The following FMN1 variants were observed in gnomAD, a reference collection of about 807,000 sequenced individuals.
FMN1 encodes the protein formin-1.
Under a neutral mutation model 132.4 loss-of-function variants are expected in FMN1, and 110 were observed. That is an observed-to-expected ratio of 0.83 (90% CI 0.71 to 0.97). FMN1 has a LOEUF of 0.97. Among genes scored for constraint, FMN1 ranks in the 50% least tolerant of loss-of-function variants. The pLI, the probability that FMN1 is intolerant of heterozygous loss-of-function variation, is 0.00. For missense variants in FMN1, 1,792 were observed against 1,705.3 expected, an observed-to-expected ratio of 1.05 and a Z score of -0.90; for synonymous variants, 722 against 651.7, an observed-to-expected ratio of 1.11 and a Z score of -1.64.
intron 9 of FMN1, among the ~76,000 whole-genome samples, chr15:32,961,609 T>C (rs572962272): frequency 1.6e-4 from 24 of 151,994 alleles, no homozygotes; most frequent in Non-Finnish European, 3.1e-4. Flanking sequence ...AACAGGGAAA[T>C]GGTAGCCGTA....
intron 19 of FMN1, among the ~76,000 whole-genome samples, chr15:32,790,544 T>C (rs1046636964): frequency 1.6e-4 from 25 of 152,322 alleles, no homozygotes; most frequent in Admixed American, 7.8e-4. Flanking sequence ...TCTGATTCAG[T>C]GGATCTGTTT....
intron 2 of FMN1, among the ~76,000 whole-genome samples, chr15:33,189,752 C>A (rs1966010070): frequency 1.3e-5 from 2 of 152,134 alleles, no homozygotes; most frequent in African/African-American, 4.8e-5. Context: ...CACAGAGGAA[C>A]CAGCAGATTA....
chr15:32,852,538 A>G (rs1423647211), intron 17 of FMN1, among the ~76,000 whole-genome samples: 1 of 151,878 alleles, frequency 6.6e-6, no homozygotes, highest in Non-Finnish European at 1.5e-5. Context: ...ACCACTTTCA[A>G]CTAATTTTTG....
intron 17 of FMN1, among the ~76,000 whole-genome samples, chr15:32,839,754 T>A (rs1191460942): frequency 6.6e-6 from 1 of 151,300 alleles, no homozygotes. Flanking sequence ...AAAATAAGAT[T>A]AGGCTTGAAA....
chr15:32,805,650 C>T (rs1234301880), intron 17 of FMN1, among the ~76,000 whole-genome samples: 1 of 152,178 alleles, frequency 6.6e-6, no homozygotes, highest in Non-Finnish European at 1.5e-5. Context: ...TTAATAATTA[C>T]ACCTAGGCAA....
intron 7 of FMN1, among the ~76,000 whole-genome samples, chr15:32,991,181 T>C (rs920496974): frequency 6.6e-6 from 1 of 152,168 alleles, no homozygotes; most frequent in African/African-American, 2.4e-5. Context: ...CCCTCATTCT[T>C]TATTTTCTCT....
intron 16 of FMN1, among the ~76,000 whole-genome samples, chr15:32,882,786 T>C (rs942168807): frequency 2.0e-5 from 3 of 150,786 alleles, no homozygotes; most frequent in Non-Finnish European, 4.4e-5. Flanking sequence ...TTTTATTTAA[T>C]AAATTTGACA....
At chr15:32,856,972 T>A (rs745858880) in intron 17 of FMN1, 43 bp downstream of exon 17, 19 of 1,372,000 alleles carry the variant, frequency 1.4e-5, no homozygotes, top group Non-Finnish European at 2.0e-5. Flanking sequence ...GAATGAAGGA[T>A]GTTTCAGGGC....
chr15:33,070,136 G>A (rs1168595767), intron 5 of FMN1, among the ~76,000 whole-genome samples: 1 of 150,904 alleles, frequency 6.6e-6, no homozygotes, highest in African/African-American at 2.4e-5. Context: ...CTCCTGAGTA[G>A]CTGGAATTAC....
rs185029591 is a variant in FMN1, at chr15:33,114,709, C to T, written c.1868-25735G>A. On this transcript the variant is annotated intron_variant, in intron 4 of 20. Transcript: ENST00000616417. ...CACAACTGCTGTAATGTCTCCTAAACTATAAACTCCATATTTCTCATCACC... is the reference window on the plus strand; with the variant it reads ...CACAACTGCTGTAATGTCTCCTAAATTATAAACTCCATATTTCTCATCACC... 3.6e-3 allele frequency among the ~76,000 whole-genome samples: 554 copies of T among 152,252 alleles called. 2 individuals are homozygous for T. The highest frequency in any genetic ancestry group is 6.4e-3 in the Admixed American group (98 of 15,286).
chr15:33,126,969 CTG>C (rs1210250002), intron 4 of FMN1, among the ~76,000 whole-genome samples: 1 of 152,188 alleles, frequency 6.6e-6, no homozygotes, highest in South Asian at 2.1e-4. Context: ...TTGGCTGACT[CTG>C]TGGAGAGGCT....
In FMN1 at chr15:32,964,194, T is replaced by C. The variant is rs759162836; in HGVS notation, c.3051A>G (p.Glu1017=). 3 of 1,612,934 alleles carry C rather than the reference T, an allele frequency of 1.9e-6. No homozygotes were observed. The highest frequency in any genetic ancestry group is 2.5e-6 in the Non-Finnish European group (3 of 1,179,104). Residue 1017 remains glutamate (E), a synonymous_variant, in exon 9 of 21, where the codon GAA becomes GAG. Coordinates refer to ENST00000616417, the MANE Select transcript of FMN1 (RefSeq NM_001277313.2). Reference sequence around the variant, plus strand: ...TGTCTTTGGAGAATAAATACTCAAATTCACTGGGGTCCCGAATGTCAGGTT... The same window carrying C: ...TGTCTTTGGAGAATAAATACTCAAACTCACTGGGGTCCCGAATGTCAGGTT... The part of the protein sequence containing the change: ...LEEPDIRDPS[E]FEYLFSKDTT...
chr15:33,007,849 T>C (rs1432674523), intron 7 of FMN1, among the ~76,000 whole-genome samples, 165 bp downstream of exon 7: 2 of 152,180 alleles, frequency 1.3e-5, no homozygotes, highest in Non-Finnish European at 2.9e-5. Flanking sequence ...AAAAACAGAA[T>C]CCAAGACTTT....
chr15:32,766,337 T>A lies in FMN1; in HGVS notation c.*7973A>T, dbSNP rs1192788422. 2 of 152,186 alleles carry A rather than the reference T, an allele frequency of 1.3e-5. No individual in the cohort carries two copies. Among genetic ancestry groups the A allele is most frequent in the Non-Finnish European group, 2.9e-5 (2 of 68,036 alleles). 9.4% of individuals were successfully genotyped at this position (152,186 alleles called of 1,614,324 possible). On this transcript the variant is annotated 3_prime_UTR_variant, in exon 21 of 21. Coordinates refer to ENST00000616417, the MANE Select transcript of FMN1 (RefSeq NM_001277313.2). ...AAGAATGGAGCGGCAATAAAAATCC[T>A]TATGATTCAAAGTGTTTGCCTGCAC... is the stretch of plus-strand genomic sequence containing the variant.
intron 6 of FMN1, among the ~76,000 whole-genome samples, chr15:33,029,599 G>T (rs1179856828): frequency 6.6e-6 from 1 of 152,128 alleles, no homozygotes. Context: ...AGAGCCAAAC[G>T]TTTGGATCTC....
At chr15:32,901,498 T>C (rs566059560) in intron 13 of FMN1, among the ~76,000 whole-genome samples, 3 of 152,188 alleles carry the variant, frequency 2.0e-5, no homozygotes, top group East Asian at 1.9e-4. Context: ...ATTTCACTTA[T>C]CAAGTCTCTA....
intron 5 of FMN1, among the ~76,000 whole-genome samples, chr15:33,087,800 T>TATATAA (rs2038754371): frequency 8.4e-6 from 1 of 119,600 alleles, no homozygotes; most frequent in Non-Finnish European, 1.9e-5. Flanking sequence ...TATATTTACA[T>TATATAA]ATATACATAT....
Position 33,030,528 on chromosome 15 carries a change from G to A in FMN1, c.2162-22453C>T, listed in dbSNP as rs188989776. Among the ~76,000 whole-genome samples, 455 of 152,176 alleles carry A rather than the reference G, an allele frequency of 3.0e-3. 1 individual carries two copies. The highest frequency in any genetic ancestry group is 5.2e-3 in the Non-Finnish European group (353 of 68,020). The stretch of plus-strand genomic sequence containing the variant: ...TAAATATGCCTTATTGGTTTAATGG[G>A]GACATTAGGATCTGGTTTCAGTCAC... On this transcript the variant is annotated intron_variant, in intron 6 of 20. Transcript: ENST00000616417.
chr15:32,958,925 G>A (rs60731270), intron 9 of FMN1, among the ~76,000 whole-genome samples: 11,194 of 151,378 alleles, frequency 0.074, 631 homozygotes, highest in African/African-American at 0.15. Context: ...GCCTGTAATC[G>A]TAGCTACTTG....
Sources: allele counts gnomAD v4.1 joint callset (sites outside exome capture counted in the v4.1 genomes callset), GRCh38; gene constraint gnomAD v4.1.1; transcripts MANE v1.5; gene names NCBI Gene and HGNC (gene_info 2026-07-23, HGNC 2026-07-21).